Variants in TENM3 observed in about 807,000 individuals in gnomAD.
TENM3 encodes the protein teneurin transmembrane protein 3.
In TENM3, 63 loss-of-function variants were observed where a neutral mutation model predicts 255.1. That is an observed-to-expected ratio of 0.25 (90% confidence interval 0.20 to 0.30). The LOEUF is 0.30. TENM3 is among the 10% of genes least tolerant of loss of function. TENM3 has a pLI of 1.00. For synonymous variants in TENM3, 1,306 were observed against 1,322.3 expected (o/e 0.99, Z 0.27); for missense variants, 2,929 against 3,461.1 (o/e 0.85, Z 3.86).
At chr4:181,628,154 C>T in the TENM3 span, among the ~76,000 whole-genome samples, 1 of 152,234 alleles carries the variant, frequency 6.6e-6, no homozygotes, top group Admixed American at 6.5e-5. Context: ...AGTGTCTGTT[C>T]CTATCCTTGG....
At chr4:182,407,646 A>G (rs1029310381) in intron 3 of TENM3, among the ~76,000 whole-genome samples, 1 of 152,224 alleles carries the variant, frequency 6.6e-6, no homozygotes, top group African/African-American at 2.4e-5. Context: ...CAATAAAAAG[A>G]AAGACTTGGG....
chr4:182,385,139 T>C (rs1486951808), intron 3 of TENM3, among the ~76,000 whole-genome samples: 2 of 151,898 alleles, frequency 1.3e-5, no homozygotes, highest in African/African-American at 4.8e-5. Context: ...CTTCTGCTTG[T>C]CCAGATTAAA....
At chr4:182,403,127 T>G (rs17253954) in intron 3 of TENM3, among the ~76,000 whole-genome samples, 41,862 of 152,102 alleles carry the variant, frequency 0.28, 6,263 homozygotes, top group Middle Eastern at 0.38. Flanking sequence ...TCTTCAATAT[T>G]TCTATCTTTC....
chr4:182,671,364 A>G (rs368790553), intron 6 of TENM3, among the ~76,000 whole-genome samples: 51 of 152,240 alleles, frequency 3.3e-4, no homozygotes, highest in African/African-American at 1.2e-3. Context: ...CTGAGCCTCA[A>G]CCTAACACCT....
At chr4:182,250,552 TC>T (rs1290284482) in intron 1 of TENM3, among the ~76,000 whole-genome samples, 18 of 152,202 alleles carry the variant, frequency 1.2e-4, no homozygotes, top group East Asian at 7.7e-4. Flanking sequence ...ATTTCCCACT[TC>T]AGTGTACTAC....
chr4:182,072,067 T>G, the TENM3 span, among the ~76,000 whole-genome samples: 1 of 152,344 alleles, frequency 6.6e-6, no homozygotes, highest in Non-Finnish European at 1.5e-5. Flanking sequence ...CACTGTCTGA[T>G]CACCCATACA....
intron 3 of TENM3, among the ~76,000 whole-genome samples, chr4:182,487,705 C>T (rs888305194): frequency 1.3e-5 from 2 of 152,134 alleles, no homozygotes; most frequent in Non-Finnish European, 2.9e-5. Flanking sequence ...TGATTTTTCT[C>T]TACCCTCAAG....
intron 24 of TENM3, among the ~76,000 whole-genome samples, chr4:182,777,547 CTTTTTTTTT>C (rs1157448732): frequency 4.4e-5 from 2 of 45,440 alleles, no homozygotes; most frequent in African/African-American, 1.7e-4. Flanking sequence ...GTGTGTATTT[CTTTTTTTTT>C]TTTTTTTTTT....
the TENM3 span, among the ~76,000 whole-genome samples, chr4:182,078,127 G>C: frequency 6.6e-6 from 1 of 152,172 alleles, no homozygotes; most frequent in Non-Finnish European, 1.5e-5. Context: ...TTGGGAGTCT[G>C]AGGTGGGAGG....
the TENM3 span, among the ~76,000 whole-genome samples, chr4:181,457,826 A>G: frequency 6.6e-6 from 1 of 151,962 alleles, no homozygotes; most frequent in Non-Finnish European, 1.5e-5. Context: ...ATGACCTGTA[A>G]TTATTAAAAA....
the TENM3 span, among the ~76,000 whole-genome samples, chr4:181,856,186 G>C: frequency 1.5e-4 from 22 of 149,484 alleles, no homozygotes; most frequent in Admixed American, 1.5e-3. Context: ...GGGAAGGAAG[G>C]GAGGGAGGGG....
At chr4:182,733,118 T>TAGAG (rs756459847) in intron 16 of TENM3, among the ~76,000 whole-genome samples, 9 of 152,116 alleles carry the variant, frequency 5.9e-5, no homozygotes, top group Non-Finnish European at 1.3e-4. Context: ...GGACAGTGGA[T>TAGAG]AGAGGTATGA....
At chr4:182,775,628 C>A (rs1368005566) in intron 24 of TENM3, among the ~76,000 whole-genome samples, 2 of 152,184 alleles carry the variant, frequency 1.3e-5, no homozygotes, top group Non-Finnish European at 2.9e-5. Context: ...TCACAGGCCT[C>A]CTCTTGCTCA....
chr4:182,454,502 A>G (rs957787701), intron 3 of TENM3, among the ~76,000 whole-genome samples: 4 of 152,182 alleles, frequency 2.6e-5, no homozygotes, highest in Non-Finnish European at 4.4e-5. Flanking sequence ...CAATTCTGCT[A>G]CTTTTCAAAC....
At chr4:181,688,784 T>C in the TENM3 span, among the ~76,000 whole-genome samples, 2 of 152,182 alleles carry the variant, frequency 1.3e-5, no homozygotes, top group East Asian at 3.9e-4. Context: ...TTTAAGTGCA[T>C]GTCTCCAACT....
At chr4:181,678,401 A>G in the TENM3 span, among the ~76,000 whole-genome samples, 1 of 151,980 alleles carries the variant, frequency 6.6e-6, no homozygotes. Flanking sequence ...TGCAGAGGTA[A>G]GAGAATTGAG....
chr4:182,765,478 T>C (rs1763632749), intron 22 of TENM3, among the ~76,000 whole-genome samples: 1 of 152,230 alleles, frequency 6.6e-6, no homozygotes, highest in Non-Finnish European at 1.5e-5. Context: ...CTTTTGCTCC[T>C]TAACTGCCCA....
chr4:182,616,147 T>C (rs1201408647), intron 4 of TENM3, among the ~76,000 whole-genome samples: 1 of 152,208 alleles, frequency 6.6e-6, no homozygotes, highest in Non-Finnish European at 1.5e-5. Flanking sequence ...GTTGGTGTTC[T>C]GACCCTTTAC....
Position 182,638,154 on chromosome 4 carries a change from G to A in TENM3, c.988+9265G>A, listed in dbSNP as rs557883542. 8.6e-5 allele frequency among the ~76,000 whole-genome samples: 13 copies of A among 151,854 alleles called. No homozygotes were observed. The South Asian group carries it at 1.3e-3, about 15-fold the overall frequency. ...TGGGGTAACTAGATCTATAATTGCCGCAAGAATCCCATAGTCTCTTTCTGT... is the reference window on the plus strand; with the variant it reads ...TGGGGTAACTAGATCTATAATTGCCACAAGAATCCCATAGTCTCTTTCTGT... On this transcript the variant is annotated intron_variant, in intron 5 of 27. Coordinates refer to ENST00000511685, the MANE Select transcript of TENM3 (RefSeq NM_001080477.4).
Sources: gnomAD v4.1 joint callset for allele counts (sites outside exome capture counted in the v4.1 genomes callset) on GRCh38, gnomAD v4.1.1 for gene constraint, MANE v1.5 for transcripts, NCBI Gene and HGNC (gene_info 2026-07-23, HGNC 2026-07-21) for gene names.